SMYD3: variants seen among roughly 807,000 people sequenced by gnomAD.
SMYD3 encodes SET and MYND domain containing 3.
In SMYD3, 36 loss-of-function variants were observed where a neutral mutation model predicts 57.7. That is an observed-to-expected ratio of 0.62 (90% confidence interval 0.48 to 0.82). The LOEUF is 0.82. Ranked by LOEUF, SMYD3 falls within the 40% of genes least tolerant of loss-of-function variation. The pLI is 0.00. For synonymous variants in SMYD3, 211 were observed against 195.0 expected, an observed-to-expected ratio of 1.08 and a Z score of -0.68; for missense variants, 515 against 538.8, an observed-to-expected ratio of 0.96 and a Z score of 0.44.
intron 5 of SMYD3, among the ~76,000 whole-genome samples, chr1:246,285,844 A>G (rs1385324278): frequency 1.3e-5 from 2 of 152,186 alleles, no homozygotes; most frequent in South Asian, 4.1e-4. Flanking sequence ...CGAATAGACA[A>G]TTCTCAAAAG....
intron 1 of SMYD3, among the ~76,000 whole-genome samples, chr1:246,409,025 G>T (rs1422290026): frequency 2.6e-5 from 4 of 151,334 alleles, no homozygotes; most frequent in African/African-American, 7.3e-5. Flanking sequence ...TTTTTGATGG[G>T]TTTTTTTTTC....
At chr1:246,441,839 T>C (rs975523395) in intron 1 of SMYD3, among the ~76,000 whole-genome samples, 1 of 152,250 alleles carries the variant, frequency 6.6e-6, no homozygotes, top group Non-Finnish European at 1.5e-5. Context: ...CTGCAACTCC[T>C]GGCCTCAAGT....
chr1:246,318,883 T>C lies in SMYD3; in HGVS notation c.531+8318A>G, dbSNP rs556455536. On this transcript the variant is annotated intron_variant, in intron 5 of 11. Coordinates refer to ENST00000490107, the MANE Select transcript of SMYD3 (RefSeq NM_001167740.2). ...CTTCAGAAGTTTAGCTGGCATCTGG[T>C]TTTTAACTATGATAAATATACACCA... Among the ~76,000 whole-genome samples the C allele has an allele frequency of 3.3e-5, 5 of 152,334 alleles. No homozygotes were observed. The South Asian group carries it at 6.2e-4, about 19-fold the overall frequency.
chr1:246,234,627 G>A (rs1263116577), intron 5 of SMYD3, among the ~76,000 whole-genome samples: 1 of 84,272 alleles, frequency 1.2e-5, no homozygotes, highest in East Asian at 1.0e-3. Flanking sequence ...GATGGCTATT[G>A]GCCTATCCAT....
intron 1 of SMYD3, among the ~76,000 whole-genome samples, chr1:246,443,543 T>A (rs891129922): frequency 7.2e-5 from 11 of 152,194 alleles, no homozygotes; most frequent in Non-Finnish European, 1.3e-4. Context: ...AAGAAATAAG[T>A]CCTAACTCCT....
chr1:246,432,851 C>T, intron 1 of SMYD3, among the ~76,000 whole-genome samples: 1 of 152,190 alleles, frequency 6.6e-6, no homozygotes, highest in South Asian at 2.1e-4. Context: ...AAATTAATTA[C>T]TAATATGATA....
intron 5 of SMYD3, among the ~76,000 whole-genome samples, chr1:245,958,523 T>G (rs990401557): frequency 2.0e-5 from 3 of 152,154 alleles, no homozygotes; most frequent in Admixed American, 6.5e-5. Flanking sequence ...ACTCCAAAAC[T>G]TAGCTCAAGG....
chr1:246,224,142 C>G (rs754873187), intron 5 of SMYD3, among the ~76,000 whole-genome samples: 4 of 151,964 alleles, frequency 2.6e-5, no homozygotes, highest in Non-Finnish European at 5.9e-5. Context: ...CCTCATAAAG[C>G]TCAGAGACGA....
At chr1:246,243,796 A>T (rs2148482017) in intron 5 of SMYD3, among the ~76,000 whole-genome samples, 1 of 152,104 alleles carries the variant, frequency 6.6e-6, no homozygotes, top group Admixed American at 6.5e-5. Context: ...TGTAGAAAGA[A>T]TTCTTACTTG....
At chr1:245,860,933 G>C (rs879834947) in intron 9 of SMYD3, among the ~76,000 whole-genome samples, 14 of 152,194 alleles carry the variant, frequency 9.2e-5, no homozygotes, top group Admixed American at 1.3e-4. Context: ...TTATTTGCCT[G>C]TTCATTTATG....
chr1:245,790,057 G>GGAAGGGCCA (rs1429096083), intron 10 of SMYD3, among the ~76,000 whole-genome samples: 1 of 152,182 alleles, frequency 6.6e-6, no homozygotes, highest in African/African-American at 2.4e-5. Flanking sequence ...ACATCACTGT[G>GGAAGGGCCA]GAAGGGCCAG....
At chr1:246,256,412 T>A (rs563670694) in intron 5 of SMYD3, among the ~76,000 whole-genome samples, 1 of 152,282 alleles carries the variant, frequency 6.6e-6, no homozygotes, top group South Asian at 2.1e-4. Context: ...GTATTAACCA[T>A]CACAGTGTGT....
chr1:246,193,094 T>C (rs1222949312), intron 5 of SMYD3, among the ~76,000 whole-genome samples: 1 of 152,172 alleles, frequency 6.6e-6, no homozygotes, highest in Non-Finnish European at 1.5e-5. Context: ...CAATAAAACA[T>C]GTGAAGACAA....
chr1:246,033,494 C>T (rs1282424838), intron 5 of SMYD3, among the ~76,000 whole-genome samples: 3 of 152,104 alleles, frequency 2.0e-5, no homozygotes, highest in Admixed American at 6.6e-5. Context: ...AATGTCAAAA[C>T]ATCAATGTTC....
intron 5 of SMYD3, among the ~76,000 whole-genome samples, chr1:246,072,284 A>T (rs71533458): frequency 0.028 from 1,310 of 46,072 alleles, no homozygotes; most frequent in African/African-American, 0.054. Flanking sequence ...CTCACTGTGG[A>T]TGCATCGTGT....
chr1:245,859,133 T>C (rs1439174182), intron 9 of SMYD3, among the ~76,000 whole-genome samples: 2 of 152,194 alleles, frequency 1.3e-5, no homozygotes, highest in Non-Finnish European at 2.9e-5. Flanking sequence ...GCTTCTGTGT[T>C]ACCTGAGTTT....
In SMYD3 at chr1:245,799,787, T is replaced by C. The variant is rs1572368893; in HGVS notation, c.1077-35638A>G. 1.3e-5 allele frequency among the ~76,000 whole-genome samples: 2 copies of C among 152,092 alleles called. 1 individual carries two copies. Among genetic ancestry groups the C allele is most frequent in the Non-Finnish European group, 2.9e-5 (2 of 68,008 alleles). On this transcript the variant is annotated intron_variant, in intron 10 of 11. Transcript: ENST00000490107. ...CAGGATCTCCCGACCTCGGCACACC[T>C]GTCCACCTGTCCATCTGCCCACCTC...
intron 1 of SMYD3, among the ~76,000 whole-genome samples, chr1:246,415,595 A>C (rs1343945436): frequency 2.0e-5 from 3 of 152,060 alleles, no homozygotes; most frequent in Admixed American, 6.6e-5. Flanking sequence ...ATCTTTGCTC[A>C]CTTATTTTTT....
chr1:246,075,398 T>C (rs2060529454), intron 5 of SMYD3, among the ~76,000 whole-genome samples: 1 of 152,186 alleles, frequency 6.6e-6, no homozygotes, highest in Admixed American at 6.5e-5. Flanking sequence ...TTTTCCATTT[T>C]CTTATGCCAC....
Sources: gnomAD v4.1 joint callset for allele counts (sites outside exome capture counted in the v4.1 genomes callset) on GRCh38, gnomAD v4.1.1 for gene constraint, MANE v1.5 for transcripts, NCBI Gene and HGNC (gene_info 2026-07-23, HGNC 2026-07-21) for gene names.